Variants in FYB1 observed in about 807,000 individuals in gnomAD.
FYB1 encodes FYN binding protein 1, also known as FYN-binding protein 1.
A neutral mutation model predicts 94.1 loss-of-function variants in FYB1; 41 were observed. The ratio of observed to expected loss-of-function variants is 0.44; its 90% CI spans 0.34 to 0.57. The LOEUF (loss-of-function observed/expected upper bound fraction) is 0.57. Ranked by LOEUF, FYB1 falls within the 20% of genes least tolerant of loss-of-function variation. The probability of loss-of-function intolerance (pLI) is 0.02; values close to 1 mark genes in which losing one functional copy is unlikely to be tolerated. For missense variants in FYB1, 1,050 were observed against 976.8 expected (o/e 1.07, Z -1.00); for synonymous variants, 367 against 353.2 (o/e 1.04, Z -0.44).
At chr5:39,244,721 G>A (rs565583082) in intron 1 of FYB1, among the ~76,000 whole-genome samples, 4 of 152,158 alleles carry the variant, frequency 2.6e-5, no homozygotes, top group Non-Finnish European at 5.9e-5. Flanking sequence ...AATGGTACCA[G>A]CTCCTCCTTG....
At position 39,134,238 on chromosome 5, in the gene FYB1, T is replaced by C. The variant is rs1170974742; in HGVS notation, c.1787A>G (p.Asp596Gly). 1 of 1,612,686 alleles carries C rather than the reference T, an allele frequency of 6.2e-7. No individual in the cohort carries two copies. Among genetic ancestry groups the C allele is most frequent in the Non-Finnish European group, 8.5e-7 (1 of 1,178,944 alleles). The stretch of plus-strand genomic sequence containing the variant: ...AATATCATCCTGCTCTGCAACATCA[T>C]CATATACTTCTTGGTCATCTTCAAT... ...RPIEDDQEVY[D>G]DVAEQDDISS... The change falls in exon 9 of 19, where the codon GAT becomes GGT. Residue 596 changes from aspartate (D) to glycine (G), a missense_variant. Asp to Gly is a moderately conservative substitution (Grantham distance 94, BLOSUM62 -1). Coordinates refer to ENST00000512982, the MANE Select transcript of FYB1 (RefSeq NM_001465.6).
At chr5:39,185,189 A>G (rs2150437615) in intron 2 of FYB1, among the ~76,000 whole-genome samples, 1 of 152,286 alleles carries the variant, frequency 6.6e-6, no homozygotes, top group Admixed American at 6.5e-5. Flanking sequence ...AGAAGCCCAG[A>G]TAAATAATTA....
intron 10 of FYB1, among the ~76,000 whole-genome samples, chr5:39,129,420 C>T (rs1740985795): frequency 6.6e-6 from 1 of 151,890 alleles, no homozygotes; most frequent in Admixed American, 6.6e-5. Flanking sequence ...ATGACTAACA[C>T]CCCAAAAGCA....
At chr5:39,224,211 T>C (rs1750381416), upstream of FYB1, among the ~76,000 whole-genome samples, 1 of 152,250 alleles carries the variant, frequency 6.6e-6, no homozygotes, top group Non-Finnish European at 1.5e-5. Context: ...CCAGCTCTGC[T>C]GTGCCAGATA....
chr5:39,136,102 C>T (rs1191816700), intron 7 of FYB1, among the ~76,000 whole-genome samples: 1 of 151,986 alleles, frequency 6.6e-6, no homozygotes, highest in Non-Finnish European at 1.5e-5. Context: ...TGGAGTCTCG[C>T]TCTGTTGCCC....
intron 2 of FYB1, among the ~76,000 whole-genome samples, chr5:39,179,428 A>T (rs1209706206): frequency 2.0e-5 from 3 of 152,180 alleles, no homozygotes; most frequent in Non-Finnish European, 4.4e-5. Context: ...GTCAGGGAAC[A>T]AGTACATACA....
At chr5:39,122,167 G>A (rs930337806) in intron 14 of FYB1, among the ~76,000 whole-genome samples, 169 bp downstream of exon 14, 6 of 152,092 alleles carry the variant, frequency 3.9e-5, no homozygotes, top group African/African-American at 4.8e-5. Context: ...CACAAACCTC[G>A]CAGGGAGGGT....
At chr5:39,271,209 A>G (rs563983957) in intron 1 of FYB1, among the ~76,000 whole-genome samples, 1 of 152,170 alleles carries the variant, frequency 6.6e-6, no homozygotes. Context: ...AAACACTCAT[A>G]AGCTTATCAT....
chr5:39,119,513 A>G (rs1739884357), intron 15 of FYB1, 22 bp downstream of exon 15: 3 of 1,479,852 alleles, frequency 2.0e-6, no homozygotes, highest in East Asian at 2.5e-5. Context: ...TGTACTTTGT[A>G]TAATATTTAG....
intron 2 of FYB1, among the ~76,000 whole-genome samples, chr5:39,188,079 T>C (rs1747010819): frequency 6.6e-6 from 1 of 152,146 alleles, no homozygotes; most frequent in Admixed American, 6.5e-5. Context: ...TGGTGTGCAC[T>C]ATCTACCAAT....
intron 2 of FYB1, among the ~76,000 whole-genome samples, chr5:39,190,272 G>T (rs1361685612): frequency 6.6e-6 from 1 of 152,140 alleles, no homozygotes; most frequent in African/African-American, 2.4e-5. Context: ...GAATAAAAAA[G>T]AATTAAGATT....
chr5:39,232,046 T>TG (rs2150572695), intron 1 of FYB1, among the ~76,000 whole-genome samples: 1 of 152,212 alleles, frequency 6.6e-6, no homozygotes, highest in South Asian at 2.1e-4. Flanking sequence ...GCCTTAGCTC[T>TG]GAGCTCTTGA....
At chr5:39,182,908 G>A (rs1746389933) in intron 2 of FYB1, among the ~76,000 whole-genome samples, 1 of 152,176 alleles carries the variant, frequency 6.6e-6, no homozygotes, top group African/African-American at 2.4e-5. Flanking sequence ...TCAGAGCAGG[G>A]TTGTCTTCTT....
intron 2 of FYB1, among the ~76,000 whole-genome samples, chr5:39,175,189 G>A (rs1435820794): frequency 6.6e-6 from 1 of 152,272 alleles, no homozygotes; most frequent in East Asian, 1.9e-4. Context: ...GATCCAGCCA[G>A]GCAGACACTA....
At chr5:39,159,480 C>T (rs901750406) in intron 2 of FYB1, among the ~76,000 whole-genome samples, 3 of 152,210 alleles carry the variant, frequency 2.0e-5, no homozygotes, top group Non-Finnish European at 4.4e-5. Context: ...CAGAATTTCT[C>T]AGGACTGAGT....
At chr5:39,177,072 T>C (rs1198936096) in intron 2 of FYB1, among the ~76,000 whole-genome samples, 2 of 152,240 alleles carry the variant, frequency 1.3e-5, no homozygotes, top group Non-Finnish European at 2.9e-5. Flanking sequence ...CAGGAACTTT[T>C]GTCCTGGCAA....
chr5:39,124,158 C>G (rs923345266), intron 13 of FYB1, 95 bp downstream of exon 13: 2 of 844,946 alleles, frequency 2.4e-6, no homozygotes, highest in Admixed American at 7.2e-5. Flanking sequence ...TTTTCAGAGT[C>G]AAGACTTTAA....
chr5:39,273,183 G>A (rs1414363133), intron 1 of FYB1, among the ~76,000 whole-genome samples: 1 of 152,172 alleles, frequency 6.6e-6, no homozygotes, highest in Non-Finnish European at 1.5e-5. Flanking sequence ...TGACAATGGC[G>A]GTTTTGTGGA....
intron 14 of FYB1, among the ~76,000 whole-genome samples, chr5:39,120,095 T>C (rs1038053905): frequency 1.3e-5 from 2 of 152,160 alleles, no homozygotes; most frequent in South Asian, 2.1e-4. Context: ...TGTTCACATC[T>C]ACTTAAAATG....
Sources: allele counts gnomAD v4.1 joint callset (sites outside exome capture counted in the v4.1 genomes callset), GRCh38; gene constraint gnomAD v4.1.1; transcripts MANE v1.5; gene names NCBI Gene and HGNC (gene_info 2026-07-23, HGNC 2026-07-21).